TSNARE1: variants seen among roughly 807,000 people sequenced by gnomAD.
TSNARE1 encodes t-SNARE domain containing 1, also known as t-SNARE domain-containing protein 1.
In TSNARE1, 49 loss-of-function variants were observed where a neutral mutation model predicts 62.0. The ratio of observed to expected loss-of-function variants is 0.79; its 90% CI spans 0.63 to 1.00. The LOEUF (loss-of-function observed/expected upper bound fraction) is 1.00, where lower values mean the gene tolerates loss of function less well. Ranked by LOEUF, TSNARE1 falls within the 50% of genes least tolerant of loss-of-function variation. The pLI, the probability that TSNARE1 is intolerant of heterozygous loss-of-function variation, is 0.00. For synonymous variants in TSNARE1, 328 were observed against 294.4 expected (o/e 1.11, Z -1.17); for missense variants, 755 against 700.1 (o/e 1.08, Z -0.88).
intron 12 of TSNARE1, among the ~76,000 whole-genome samples, chr8:142,243,106 G>A (rs6583608): frequency 0.53 from 80,422 of 152,000 alleles, 22,239 homozygotes; most frequent in African/African-American, 0.68. Flanking sequence ...TAAGATCAAT[G>A]TTGGTGAGGG....
intron 6 of TSNARE1, among the ~76,000 whole-genome samples, chr8:142,329,103 T>C (rs1224910820): frequency 6.6e-6 from 1 of 152,156 alleles, no homozygotes; most frequent in African/African-American, 2.4e-5. Context: ...GGCAACCACG[T>C]TGGTCTCAAA....
At chr8:142,365,513 A>G (rs573647151) in intron 1 of TSNARE1, among the ~76,000 whole-genome samples, 4 of 152,158 alleles carry the variant, frequency 2.6e-5, no homozygotes, top group Non-Finnish European at 5.9e-5. Context: ...GTAGCTATAC[A>G]CATTGTGTAT....
chr8:142,262,556 C>G (rs1818949887), intron 12 of TSNARE1, among the ~76,000 whole-genome samples: 1 of 152,074 alleles, frequency 6.6e-6, no homozygotes, highest in Non-Finnish European at 1.5e-5. Flanking sequence ...TGTTGGAGGC[C>G]TGGTGGGAGG....
chr8:142,236,084 G>A (rs911523197), intron 12 of TSNARE1, among the ~76,000 whole-genome samples: 17 of 152,320 alleles, frequency 1.1e-4, no homozygotes, highest in Admixed American at 5.2e-4. Flanking sequence ...GCCTCACCGC[G>A]TGGCCATGAG....
At chr8:142,392,633 T>C (rs1837610971) in intron 1 of TSNARE1, among the ~76,000 whole-genome samples, 1 of 152,152 alleles carries the variant, frequency 6.6e-6, no homozygotes, top group Non-Finnish European at 1.5e-5. Flanking sequence ...TTCACGTGAC[T>C]GTGTGAGAAA....
intron 12 of TSNARE1, among the ~76,000 whole-genome samples, chr8:142,240,905 T>C (rs2130184304): frequency 6.6e-6 from 1 of 152,342 alleles, no homozygotes; most frequent in East Asian, 1.9e-4. Flanking sequence ...TGAAAACTCG[T>C]GGGCCAAGCG....
At chr8:142,378,208 C>T (rs954924827) in intron 1 of TSNARE1, among the ~76,000 whole-genome samples, 1 of 152,210 alleles carries the variant, frequency 6.6e-6, no homozygotes, top group Admixed American at 6.5e-5. Context: ...ACGGGAACAC[C>T]GCTCAGCATC....
At chr8:142,243,184 C>T (rs879844396) in intron 12 of TSNARE1, among the ~76,000 whole-genome samples, 3 of 152,124 alleles carry the variant, frequency 2.0e-5, no homozygotes, top group Admixed American at 2.0e-4. Flanking sequence ...TCATGGAAAA[C>T]AGTACAGAGG....
At position 142,291,917 on chromosome 8, in the gene TSNARE1, T is replaced by G. The variant is rs558672083; in HGVS notation, c.1291-7432A>C. Reference sequence around the variant, plus strand: ...GAGGGAGAGGACAGTCCATTGGGAGTACGGGGTCAGCTGCCTCTCCCGTGG... The same window carrying G: ...GAGGGAGAGGACAGTCCATTGGGAGGACGGGGTCAGCTGCCTCTCCCGTGG... On this transcript the variant is annotated intron_variant, in intron 10 of 13. Coordinates refer to ENST00000524325, the MANE Select transcript of TSNARE1 (RefSeq NM_145003.5). This position sits in a 1 kb window ranked among gnomAD's most constrained non-coding sequence, Gnocchi z 4.8. Among the ~76,000 whole-genome samples, 75 of 151,624 alleles carry G rather than the reference T, an allele frequency of 4.9e-4. No homozygotes were observed. The highest frequency in any genetic ancestry group is 1.0e-3 in the Admixed American group (16 of 15,252).
At chr8:142,222,700 C>T (rs202163734) in intron 13 of TSNARE1, among the ~76,000 whole-genome samples, 24 of 69,326 alleles carry the variant, frequency 3.5e-4, no homozygotes, top group South Asian at 5.8e-4. Flanking sequence ...ACTCACTCAT[C>T]CACTCACTCA....
At chr8:142,358,026 G>T (rs7817797) in intron 1 of TSNARE1, among the ~76,000 whole-genome samples, 15,777 of 100,130 alleles carry the variant, frequency 0.16, 2,234 homozygotes, top group African/African-American at 0.4. Context: ...GGGTCTGCTG[G>T]GTTTCAGGAC....
rs1825549970 is a variant in TSNARE1 at position 142,300,575 on chromosome 8, G to A, written c.1201C>T (p.Gln401Ter). The change falls in exon 10 of 14, where the codon CAG becomes TAG. Residue 401 changes from glutamine to a stop codon, truncating the protein, a stop_gained. Coordinates refer to ENST00000524325, the MANE Select transcript of TSNARE1 (RefSeq NM_145003.5). LOFTEE classifies it high-confidence loss of function. ...KVFNGSDNMWQGQEQALLPDI... is the reference protein window; with the variant it reads ...KVFNGSDNMW Reference sequence around the variant, plus strand: ...GGGAGCAGCGCCTGCTCCTGGCCCTGCCACATGTTGTCACTCCCGTTAAAG... The same window carrying A: ...GGGAGCAGCGCCTGCTCCTGGCCCTACCACATGTTGTCACTCCCGTTAAAG... 6.2e-7 allele frequency: 1 copy of A among 1,613,312 alleles called. No homozygotes were observed. The highest frequency in any genetic ancestry group is 8.5e-7 in the Non-Finnish European group (1 of 1,180,020).
At chr8:142,226,935 C>CGG (rs1563760278) in intron 13 of TSNARE1, among the ~76,000 whole-genome samples, 9 of 144,026 alleles carry the variant, frequency 6.2e-5, no homozygotes, top group African/African-American at 1.0e-4. Flanking sequence ...ACCCACAACC[C>CGG]CAGTGACAGC....
At position 142,278,735 on chromosome 8, in the gene TSNARE1, G is replaced by A. The variant is rs1820912863; in HGVS notation, c.1364-3872C>T. 2.0e-6 allele frequency: 2 copies of A among 985,328 alleles called. 1 individual carries two copies. Among genetic ancestry groups the A allele is most frequent in the African/African-American group, 3.5e-5 (2 of 57,256 alleles). The allele number at this position is 985,328 out of a possible 1,614,324, so 61.0% of individuals were successfully genotyped here. On this transcript the variant is annotated intron_variant, in intron 11 of 13. Transcript: ENST00000524325. ...TCCCTGGAGTGGGCCCGTGGGCTCG[G>A]AAGGGGGCACAGCGTGCCTGACAGG...
chr8:142,378,796 C>T (rs1836521750), intron 1 of TSNARE1, among the ~76,000 whole-genome samples: 1 of 152,206 alleles, frequency 6.6e-6, no homozygotes, highest in South Asian at 2.1e-4. Flanking sequence ...CTTCAAGGCG[C>T]ACGGGCGTGT....
chr8:142,276,559 A>G, intron 11 of TSNARE1: 1 of 985,446 alleles, frequency 1.0e-6, no homozygotes, highest in Non-Finnish European at 1.2e-6. Context: ...CAGGAAGGCC[A>G]TGGTGGTCTG....
intron 12 of TSNARE1, among the ~76,000 whole-genome samples, chr8:142,231,983 G>T (rs983161876): frequency 6.6e-6 from 1 of 152,228 alleles, no homozygotes; most frequent in Non-Finnish European, 1.5e-5. Flanking sequence ...GGAACCATGC[G>T]TGGGGGTCTC....
chr8:142,246,572 G>C (rs1183185704), intron 12 of TSNARE1, among the ~76,000 whole-genome samples: 1 of 152,174 alleles, frequency 6.6e-6, no homozygotes, highest in Non-Finnish European at 1.5e-5. Context: ...CTTGGACTTA[G>C]GGTCAAGCAG....
At chr8:142,395,045 G>A (rs114775215) in intron 1 of TSNARE1, among the ~76,000 whole-genome samples, 1,878 of 152,272 alleles carry the variant, frequency 0.012, 43 homozygotes, top group African/African-American at 0.043. Flanking sequence ...AGGAAGCATC[G>A]CTGTTCCTGT....
Sources: gnomAD v4.1 joint callset for allele counts (sites outside exome capture counted in the v4.1 genomes callset) on GRCh38, gnomAD v4.1.1 for gene constraint, Gnocchi (gnomAD v3.1) non-coding constraint, MANE v1.5 for transcripts, NCBI Gene and HGNC (gene_info 2026-07-23, HGNC 2026-07-21) for gene names.